KIF15: variants seen among roughly 807,000 people sequenced by gnomAD.
KIF15 encodes the protein kinesin-like protein KIF15.
A neutral mutation model predicts 190.6 loss-of-function variants in KIF15; 140 were observed. That is an observed-to-expected ratio of 0.73 (90% CI 0.64 to 0.84). The LOEUF (loss-of-function observed/expected upper bound fraction) is 0.84. Among genes scored for constraint, KIF15 ranks in the 40% least tolerant of loss-of-function variants. The probability of loss-of-function intolerance (pLI) is 0.00; values close to 1 mark genes in which losing one functional copy is unlikely to be tolerated. For synonymous variants in KIF15, 528 were observed against 551.3 expected, an observed-to-expected ratio of 0.96 and a Z score of 0.59; for missense variants, 1,372 against 1,584.4, an observed-to-expected ratio of 0.87 and a Z score of 2.28.
At chr3:44,833,261 A>G (rs571944204) in intron 26 of KIF15, among the ~76,000 whole-genome samples, 9 of 152,178 alleles carry the variant, frequency 5.9e-5, no homozygotes, top group South Asian at 4.1e-4. Context: ...GTGGAAGACA[A>G]TTTTTCCTTA....
At chr3:44,790,298 C>T (rs1706623996) in intron 7 of KIF15, among the ~76,000 whole-genome samples, 1 of 152,154 alleles carries the variant, frequency 6.6e-6, no homozygotes, top group South Asian at 2.1e-4. Context: ...GTGCCTCAGC[C>T]TCCTGAGCAG....
At chr3:44,768,092 G>A (rs901038417) in intron 1 of KIF15, among the ~76,000 whole-genome samples, 1 of 151,422 alleles carries the variant, frequency 6.6e-6, no homozygotes, top group Non-Finnish European at 1.5e-5. Context: ...TGGCCAACAT[G>A]GTGAAACACC....
chr3:44,805,628 G>C (rs1159490538), intron 15 of KIF15, among the ~76,000 whole-genome samples: 2 of 152,122 alleles, frequency 1.3e-5, no homozygotes, highest in African/African-American at 4.8e-5. Flanking sequence ...TTGGGCTTTT[G>C]AATTTGAGCC....
chr3:44,808,371 A>G (rs115498521), intron 16 of KIF15, among the ~76,000 whole-genome samples: 20 of 152,320 alleles, frequency 1.3e-4, no homozygotes, highest in African/African-American at 4.8e-4. Context: ...TAGTTGGACA[A>G]CTACTATATG....
At chr3:44,821,155 G>A (rs1220650647) in intron 20 of KIF15, among the ~76,000 whole-genome samples, 2 of 145,912 alleles carry the variant, frequency 1.4e-5, no homozygotes, top group Non-Finnish European at 3.0e-5. Context: ...CCTCCCGGAC[G>A]GGGCAGCTGG....
intron 5 of KIF15, among the ~76,000 whole-genome samples, chr3:44,782,881 G>C (rs145548139): frequency 7.9e-5 from 12 of 152,318 alleles, no homozygotes; most frequent in African/African-American, 2.6e-4. Flanking sequence ...TAAGGGGCTG[G>C]TAGCATGGGA....
At chr3:44,766,942 C>A (rs1349058055) in intron 1 of KIF15, among the ~76,000 whole-genome samples, 1 of 151,418 alleles carries the variant, frequency 6.6e-6, no homozygotes, top group Non-Finnish European at 1.5e-5. Context: ...TCCTGGGTAG[C>A]TGGGACTACA....
At chr3:44,857,007 G>T (rs189872598), downstream of KIF15, among the ~76,000 whole-genome samples, 3 of 152,208 alleles carry the variant, frequency 2.0e-5, no homozygotes, top group Non-Finnish European at 4.4e-5. Context: ...CTACAGCATA[G>T]CCTGTTTTGC....
At chr3:44,816,860 C>T (rs549130268) in intron 20 of KIF15, among the ~76,000 whole-genome samples, 53 of 152,234 alleles carry the variant, frequency 3.5e-4, no homozygotes, top group African/African-American at 1.2e-3. Context: ...TCACCAACAG[C>T]GTAAAAGTGT....
Position 44,787,867 on chromosome 3 carries a change from T to A in KIF15, c.639+1293T>A, listed in dbSNP as rs554688376. On this transcript the variant is annotated intron_variant, in intron 7 of 34. Transcript: ENST00000326047. Reference sequence around the variant, plus strand: ...ATTTTTATTTATTTTTTTATTTGTTTTTTTGGAGACAGAATCTTGCTCTGT... The same window carrying A: ...ATTTTTATTTATTTTTTTATTTGTTATTTTGGAGACAGAATCTTGCTCTGT... Among the ~76,000 whole-genome samples the A allele has an allele frequency of 8.5e-5, 13 of 152,334 alleles. No individual in the cohort carries two copies. The South Asian group carries it at 2.3e-3, about 27-fold the overall frequency.
At chr3:44,839,386 A>G (rs1289437025) in intron 27 of KIF15, among the ~76,000 whole-genome samples, 2 of 152,146 alleles carry the variant, frequency 1.3e-5, no homozygotes, top group Non-Finnish European at 2.9e-5. Context: ...AAAAAAAGAA[A>G]AGAAAAGGAG....
In KIF15 at chr3:44,800,371, A is replaced by G; in HGVS notation, c.1156A>G (p.Arg386Gly). 6.2e-7 allele frequency: 1 copy of G among 1,614,198 alleles called. No individual in the cohort carries two copies. Among genetic ancestry groups the G allele is most frequent in the Admixed American group, 1.7e-5 (1 of 60,022 alleles). ...NVSQLQAEVK[R>G]LKEQLAELAS... ...GAGCCAGCTCCAAGCTGAAGTGAAG[A>G]GGCTCAAAGAACAACTGGCGGAGCT... is the stretch of plus-strand genomic sequence containing the variant. Residue 386 changes from arginine (R) to glycine (G), a missense_variant, in exon 11 of 35, where the codon AGG becomes GGG. Physicochemically the swap from Arg to Gly is moderately radical, Grantham distance 125. Transcript: ENST00000326047.
chr3:44,838,728 A>AC (rs1297033219), intron 27 of KIF15, among the ~76,000 whole-genome samples: 1 of 149,874 alleles, frequency 6.7e-6, no homozygotes. Flanking sequence ...AGCCTGGGTG[A>AC]CAGAGTGAGA....
At chr3:44,801,112 A>T (rs1254230398) in intron 11 of KIF15, among the ~76,000 whole-genome samples, 2 of 147,038 alleles carry the variant, frequency 1.4e-5, no homozygotes, top group Admixed American at 1.4e-4. Context: ...GGTTCAAGCG[A>T]TTCTCCTGCC....
chr3:44,774,356 A>T (rs1247996500), intron 1 of KIF15, 39 bp from the exon 2 acceptor site: 3 of 1,582,040 alleles, frequency 1.9e-6, no homozygotes, highest in South Asian at 2.2e-5. Flanking sequence ...TTTCCATATT[A>T]CAATTTAAAT....
chr3:44,834,826 G>A (rs186668704), intron 26 of KIF15, among the ~76,000 whole-genome samples: 8 of 151,816 alleles, frequency 5.3e-5, no homozygotes, highest in African/African-American at 1.9e-4. Flanking sequence ...CCAGCTACTT[G>A]GGAAGCTGAG....
chr3:44,824,755 G>GGTTT (rs546771922), intron 20 of KIF15, among the ~76,000 whole-genome samples: 2 of 151,904 alleles, frequency 1.3e-5, no homozygotes, highest in Non-Finnish European at 2.9e-5. Context: ...ATACTTCCTA[G>GGTTT]GTTTGTTTGT....
intron 13 of KIF15, 138 bp downstream of exon 13, chr3:44,802,112 C>A: frequency 1.6e-6 from 1 of 606,406 alleles, no homozygotes; most frequent in South Asian, 2.5e-5. Context: ...TTGCATAATT[C>A]CTTTACCTGT....
intron 30 of KIF15, among the ~76,000 whole-genome samples, chr3:44,844,366 A>G (rs971368174): frequency 6.6e-6 from 1 of 152,204 alleles, no homozygotes; most frequent in African/African-American, 2.4e-5. Context: ...CATTTTAAAA[A>G]AGCACGTGCC....
Sources: allele counts gnomAD v4.1 joint callset (sites outside exome capture counted in the v4.1 genomes callset), GRCh38; gene constraint gnomAD v4.1.1; transcripts MANE v1.5; gene names NCBI Gene and HGNC (gene_info 2026-07-23, HGNC 2026-07-21).